The following MATCAP2 variants were observed in gnomAD, a reference collection of about 807,000 sequenced individuals.
MATCAP2 encodes the protein microtubule associated tyrosine carboxypeptidase 2.
At chr7:36,369,939 A>G in the MATCAP2 span, among the ~76,000 whole-genome samples, 2 of 152,136 alleles carry the variant, frequency 1.3e-5, no homozygotes, top group African/African-American at 4.8e-5. Context: ...AATTATTTTT[A>G]TGTTCACCCT....
At chr7:36,356,874 A>G in the MATCAP2 span, 1 of 1,542,124 alleles carries the variant, frequency 6.5e-7, no homozygotes. Flanking sequence ...CATAAAAATG[A>G]ACTACCACTA....
chr7:36,351,068 T>C, the MATCAP2 span, among the ~76,000 whole-genome samples: 1 of 152,206 alleles, frequency 6.6e-6, no homozygotes, highest in Admixed American at 6.5e-5. Context: ...CTTCCTAACA[T>C]AATGAAGTTG....
At chr7:36,340,079 G>GTC in the MATCAP2 span, among the ~76,000 whole-genome samples, 2 of 152,282 alleles carry the variant, frequency 1.3e-5, no homozygotes, top group South Asian at 4.1e-4. Flanking sequence ...GGCCAGGCTG[G>GTC]TCTCGAACTC....
the MATCAP2 span, among the ~76,000 whole-genome samples, chr7:36,357,821 C>G: frequency 6.6e-6 from 1 of 152,224 alleles, no homozygotes; most frequent in South Asian, 2.1e-4. Context: ...CTAAAAAATC[C>G]TCAGCTTCAA....
chr7:36,354,575 G>A, the MATCAP2 span, among the ~76,000 whole-genome samples: 1 of 152,200 alleles, frequency 6.6e-6, no homozygotes, highest in Non-Finnish European at 1.5e-5. Flanking sequence ...CTGAGTCCTG[G>A]AGACCAGCCT....
the MATCAP2 span, chr7:36,357,640 T>C: frequency 7.5e-7 from 1 of 1,331,040 alleles, no homozygotes. Flanking sequence ...AGATACCAGA[T>C]GAAGCAAACT....
At chr7:36,359,507 G>T in the MATCAP2 span, among the ~76,000 whole-genome samples, 226 of 152,272 alleles carry the variant, frequency 1.5e-3, no homozygotes, top group African/African-American at 5.2e-3. Flanking sequence ...TTCTAGGCCA[G>T]CATGTGAAAT....
the MATCAP2 span, among the ~76,000 whole-genome samples, chr7:36,361,454 T>C: frequency 5.3e-5 from 8 of 152,222 alleles, no homozygotes; most frequent in Admixed American, 4.6e-4. Flanking sequence ...GGTTCACTAA[T>C]ACTTACGAAA....
chr7:36,353,481 CTTTT>C, the MATCAP2 span, among the ~76,000 whole-genome samples: 5 of 130,818 alleles, frequency 3.8e-5, no homozygotes, highest in African/African-American at 5.8e-5. Flanking sequence ...TGTTTATGCT[CTTTT>C]TTTTTTTTTT....
At chr7:36,386,291 A>G in the MATCAP2 span, among the ~76,000 whole-genome samples, 2 of 152,262 alleles carry the variant, frequency 1.3e-5, no homozygotes, top group Admixed American at 6.5e-5. Context: ...CAGATAGTTT[A>G]AAGACAAAAG....
At chr7:36,327,780 T>C in the MATCAP2 span, among the ~76,000 whole-genome samples, 3 of 152,188 alleles carry the variant, frequency 2.0e-5, no homozygotes, top group African/African-American at 7.2e-5. Flanking sequence ...GATGCTCAAC[T>C]AGTAAAGAAT....
chr7:36,324,829 A>C, the MATCAP2 span: 1 of 152,244 alleles, frequency 6.6e-6, no homozygotes, highest in Non-Finnish European at 1.5e-5. Flanking sequence ...CCTTTTCCAA[A>C]TCAGACAAAG....
chr7:36,348,725 TATAA>T, the MATCAP2 span, among the ~76,000 whole-genome samples: 4 of 152,136 alleles, frequency 2.6e-5, no homozygotes, highest in Admixed American at 2.0e-4. Flanking sequence ...TTGATGGAAT[TATAA>T]ATAAAGTATT....
At chr7:36,326,720 T>C in the MATCAP2 span, 8 of 1,564,610 alleles carry the variant, frequency 5.1e-6, no homozygotes, top group Non-Finnish European at 6.9e-6. Flanking sequence ...GTAATATACA[T>C]GGAGGCATAG....
chr7:36,356,804 T>C, the MATCAP2 span: 1 of 1,039,756 alleles, frequency 9.6e-7, no homozygotes, highest in Non-Finnish European at 1.5e-6. Flanking sequence ...ATAGAAATAA[T>C]TTGAATATTT....
At chr7:36,366,819 G>A in the MATCAP2 span, 1 of 1,521,762 alleles carries the variant, frequency 6.6e-7, no homozygotes, top group Non-Finnish European at 8.8e-7. Flanking sequence ...GTCCCGAGCG[G>A]CGCGCCCAGC....
chr7:36,381,614 T>C, the MATCAP2 span, among the ~76,000 whole-genome samples: 1 of 145,790 alleles, frequency 6.9e-6, no homozygotes, highest in Non-Finnish European at 1.5e-5. Flanking sequence ...GAGGTTGCAG[T>C]GAGCTAAGAT....
chr7:36,336,140 C>T, the MATCAP2 span: 3 of 1,513,358 alleles, frequency 2.0e-6, no homozygotes, highest in Non-Finnish European at 2.6e-6. Flanking sequence ...CTTGTGTTCA[C>T]TCGCAGTTCA....
the MATCAP2 span, among the ~76,000 whole-genome samples, chr7:36,335,568 G>C: frequency 1.3e-5 from 2 of 152,178 alleles, no homozygotes; most frequent in Non-Finnish European, 2.9e-5. Flanking sequence ...TAATAAGAGA[G>C]GCTTCTCGGG....
Sources: allele counts gnomAD v4.1 joint callset (sites outside exome capture counted in the v4.1 genomes callset), GRCh38; gene constraint gnomAD v4.1.1; transcripts MANE v1.5; gene names NCBI Gene and HGNC (gene_info 2026-07-23, HGNC 2026-07-21).